Variants in TRHDE observed in about 807,000 individuals in gnomAD.
TRHDE encodes thyrotropin-releasing hormone-degrading ectoenzyme.
Under a neutral mutation model 125.7 loss-of-function variants are expected in TRHDE, and 72 were observed. The observed-to-expected ratio is 0.57, with a 90% CI of 0.47 to 0.70. TRHDE has a LOEUF of 0.70. TRHDE is among the 30% of genes least tolerant of loss of function. The pLI is 0.00. For synonymous variants in TRHDE, 509 were observed against 509.1 expected, an observed-to-expected ratio of 1.00 and a Z score of 0.00; for missense variants, 1,110 against 1,327.1, an observed-to-expected ratio of 0.84 and a Z score of 2.54.
At chr12:72,500,849 C>T (rs200662301) in intron 6 of TRHDE, among the ~76,000 whole-genome samples, 225 of 109,284 alleles carry the variant, frequency 2.1e-3, no homozygotes, top group Non-Finnish European at 2.3e-3. Flanking sequence ...CAACTTTGTT[C>T]TTTTTTTTTT....
chr12:72,436,898 C>T (rs529025051), intron 3 of TRHDE, among the ~76,000 whole-genome samples: 12 of 151,918 alleles, frequency 7.9e-5, no homozygotes, highest in South Asian at 6.2e-4. Flanking sequence ...AATTTTAACA[C>T]GCAACTACCC....
intron 12 of TRHDE, among the ~76,000 whole-genome samples, chr12:72,595,771 T>C (rs142745956): frequency 8.1e-4 from 124 of 152,222 alleles, no homozygotes; most frequent in Non-Finnish European, 1.5e-3. Flanking sequence ...GAGTTTTATT[T>C]TGAACATTAA....
At chr12:72,608,318 A>G (rs753957565) in intron 12 of TRHDE, among the ~76,000 whole-genome samples, 1 of 152,138 alleles carries the variant, frequency 6.6e-6, no homozygotes, top group Non-Finnish European at 1.5e-5. Context: ...TCTTTGTTTG[A>G]AGCATTTTTT....
intron 3 of TRHDE, among the ~76,000 whole-genome samples, chr12:72,454,472 C>T (rs1480576146): frequency 6.6e-6 from 1 of 152,084 alleles, no homozygotes; most frequent in Non-Finnish European, 1.5e-5. Context: ...ATCTATGGAA[C>T]CATTAATCCC....
chr12:72,470,183 A>G (rs1271222756), intron 4 of TRHDE, among the ~76,000 whole-genome samples: 1 of 152,174 alleles, frequency 6.6e-6, no homozygotes, highest in Non-Finnish European at 1.5e-5. Flanking sequence ...TGGAGCCCCT[A>G]TCTGGTCAGT....
rs547291015 is a variant in TRHDE, at chr12:72,480,424, C to CA, written c.1584+7245dup. Among the ~76,000 whole-genome samples the CA allele has an allele frequency of 5.5e-3, 839 of 152,010 alleles. 7 individuals are homozygous for CA. The highest frequency in any genetic ancestry group is 0.019 in the African/African-American group (798 of 41,326). On this transcript the variant is annotated intron_variant, in intron 5 of 18. Coordinates refer to ENST00000261180, the MANE Select transcript of TRHDE (RefSeq NM_013381.3). ...TTCTCTGATGGCCAGTGATGGTGAG[C>CA]ATTTTTTAAAGGATGATTGTTAAAG...
intron 2 of TRHDE, chr12:72,264,531 T>C (rs1879022586): frequency 6.6e-6 from 1 of 152,036 alleles, no homozygotes; most frequent in South Asian, 2.1e-4. Context: ...TATCGATTTT[T>C]GTGTAGACTC....
intron 2 of TRHDE, among the ~76,000 whole-genome samples, chr12:72,206,948 C>T (rs1233678657): frequency 6.6e-6 from 1 of 152,018 alleles, no homozygotes; most frequent in African/African-American, 2.4e-5. Context: ...TTGAAAGCAA[C>T]TGGAACTACA....
chr12:72,100,065 A>G (rs1295629772), intron 1 of TRHDE, among the ~76,000 whole-genome samples: 1 of 152,176 alleles, frequency 6.6e-6, no homozygotes, highest in Non-Finnish European at 1.5e-5. Flanking sequence ...ACCAATGGGT[A>G]GATCTTACTT....
At chr12:72,126,306 C>T (rs967616344) in intron 2 of TRHDE, among the ~76,000 whole-genome samples, 7 of 152,096 alleles carry the variant, frequency 4.6e-5, no homozygotes, top group Admixed American at 3.3e-4. Context: ...AGATTCAATG[C>T]TATTCCTATC....
intron 2 of TRHDE, among the ~76,000 whole-genome samples, chr12:72,310,858 G>T (rs867084457): frequency 1.3e-5 from 2 of 152,144 alleles, no homozygotes; most frequent in African/African-American, 4.8e-5. Flanking sequence ...ATTTATTCAT[G>T]TATAGAATGT....
chr12:72,266,390 A>T (rs2139398248), intron 2 of TRHDE, among the ~76,000 whole-genome samples: 1 of 151,994 alleles, frequency 6.6e-6, no homozygotes, highest in Middle Eastern at 3.4e-3. Context: ...AAGCATGTAA[A>T]CTGCTTATTC....
intron 12 of TRHDE, among the ~76,000 whole-genome samples, chr12:72,597,281 G>C (rs1207283520): frequency 6.6e-6 from 1 of 152,144 alleles, no homozygotes; most frequent in African/African-American, 2.4e-5. Flanking sequence ...TTGGATACAT[G>C]CTTAGAATAT....
intron 2 of TRHDE, among the ~76,000 whole-genome samples, chr12:72,240,304 T>TA (rs1878450320): frequency 4.6e-5 from 1 of 21,792 alleles, no homozygotes; most frequent in African/African-American, 3.5e-4. Flanking sequence ...CTTCTCACAT[T>TA]TTATATATAT....
At chr12:72,241,308 C>T (rs138514679) in intron 2 of TRHDE, among the ~76,000 whole-genome samples, 2 of 152,164 alleles carry the variant, frequency 1.3e-5, no homozygotes, top group South Asian at 2.1e-4. Flanking sequence ...TAGTCACATA[C>T]TCCCCTTTAT....
chr12:72,218,333 A>C (rs984118987), intron 2 of TRHDE, among the ~76,000 whole-genome samples: 5 of 152,148 alleles, frequency 3.3e-5, no homozygotes, highest in African/African-American at 1.2e-4. Flanking sequence ...AGGAAATGCA[A>C]AGTTGGGAGA....
At chr12:72,408,099 G>A (rs1873340048) in intron 3 of TRHDE, among the ~76,000 whole-genome samples, 1 of 152,190 alleles carries the variant, frequency 6.6e-6, no homozygotes, top group Non-Finnish European at 1.5e-5. Flanking sequence ...GACAGAGCAA[G>A]GGCAAGCAAG....
intron 12 of TRHDE, among the ~76,000 whole-genome samples, chr12:72,578,064 T>C (rs1022473664): frequency 2.0e-5 from 3 of 152,178 alleles, no homozygotes; most frequent in African/African-American, 7.2e-5. Flanking sequence ...GTTCAGTCTA[T>C]ATCAACCTTC....
intron 4 of TRHDE, among the ~76,000 whole-genome samples, chr12:72,472,165 C>G (rs1246454946): frequency 1.3e-5 from 2 of 152,076 alleles, no homozygotes; most frequent in Non-Finnish European, 2.9e-5. Context: ...TGTTCATTTG[C>G]TTATTTATTT....
Sources: allele counts gnomAD v4.1 joint callset (sites outside exome capture counted in the v4.1 genomes callset), GRCh38; gene constraint gnomAD v4.1.1; transcripts MANE v1.5; gene names NCBI Gene and HGNC (gene_info 2026-07-23, HGNC 2026-07-21).